Variants in EPB41L3 observed in about 807,000 individuals in gnomAD.
EPB41L3 encodes the protein erythrocyte membrane protein band 4.1 like 3.
In EPB41L3, 57 loss-of-function variants were observed where a neutral mutation model predicts 127.1. That is an observed-to-expected ratio of 0.45 (90% CI 0.36 to 0.56). EPB41L3 has a LOEUF of 0.56. Among genes scored for constraint, EPB41L3 ranks in the 20% least tolerant of loss-of-function variants. EPB41L3 has a pLI of 0.00. For synonymous variants in EPB41L3, 572 were observed against 549.5 expected (o/e 1.04, Z -0.57); for missense variants, 1,273 against 1,372.2 (o/e 0.93, Z 1.14).
At chr18:5,569,308 T>C (rs1195081091) in intron 3 of EPB41L3, among the ~76,000 whole-genome samples, 1 of 152,246 alleles carries the variant, frequency 6.6e-6, no homozygotes, top group East Asian at 1.9e-4. Flanking sequence ...CAATGCTTAA[T>C]ACCAATCACT....
intron 16 of EPB41L3, among the ~76,000 whole-genome samples, chr18:5,402,381 C>T (rs2074648786): frequency 6.6e-6 from 1 of 151,648 alleles, no homozygotes; most frequent in South Asian, 2.1e-4. Flanking sequence ...AATAACAGTG[C>T]TAGGTCTCTA....
intron 3 of EPB41L3, among the ~76,000 whole-genome samples, chr18:5,477,286 CAT>C (rs2087434621): frequency 6.6e-6 from 1 of 152,178 alleles, no homozygotes; most frequent in Non-Finnish European, 1.5e-5. Flanking sequence ...TGAGGACACA[CAT>C]GTGTGCACTG....
At chr18:5,497,450 C>T (rs2091282584) in intron 1 of EPB41L3, among the ~76,000 whole-genome samples, 1 of 152,164 alleles carries the variant, frequency 6.6e-6, no homozygotes, top group Non-Finnish European at 1.5e-5. Context: ...CCATCAGAAG[C>T]TCTCACTGCA....
chr18:5,583,454 A>G (rs1020541137), intron 3 of EPB41L3, among the ~76,000 whole-genome samples: 3 of 152,206 alleles, frequency 2.0e-5, no homozygotes, highest in Admixed American at 6.5e-5. Flanking sequence ...AGAGTAGCAC[A>G]ATTCAAAATC....
intron 1 of EPB41L3, among the ~76,000 whole-genome samples, chr18:5,491,985 A>G (rs952832074): frequency 6.6e-6 from 1 of 152,138 alleles, no homozygotes; most frequent in African/African-American, 2.4e-5. Context: ...TAAGCAAGCA[A>G]TAACCTGATT....
chr18:5,418,804 G>A lies in EPB41L3; in HGVS notation c.1506+907C>T, dbSNP rs115934635. 5.7e-3 allele frequency among the ~76,000 whole-genome samples: 875 copies of A among 152,234 alleles called. 16 individuals carry two copies. Among genetic ancestry groups the A allele is most frequent in the African/African-American group, 0.019 (809 of 41,536 alleles). On this transcript the variant is annotated intron_variant, in intron 12 of 22. Coordinates refer to ENST00000341928, the MANE Select transcript of EPB41L3 (RefSeq NM_012307.5). ...AAAAGGAACACTTTCCATAGAATTC[G>A]GGGTAGTGATTCTCCATCTCTATTT...
Position 5,433,987 on chromosome 18 carries a change from C to T in EPB41L3, c.740G>A (p.Ser247Asn). Residue 247 changes from serine (S) to asparagine (N), a missense_variant, in exon 7 of 23, where the codon AGC (serine) becomes AAC (asparagine). By Grantham distance (46) the Ser-to-Asn change is conservative. This residue lies in a region of EPB41L3 where 326 missense variants were observed against 440.2 expected (regional missense o/e 0.74). Coordinates refer to ENST00000341928, the MANE Select transcript of EPB41L3 (RefSeq NM_012307.5). ...LGDYDPDECG[S>N]DYISEFRFAP... ...AAAGCGGAACTCACTAATGTAATCG[C>T]TCCCACATTCATCTGGGTCATAGTC... The T allele has an allele frequency of 6.2e-7, 1 of 1,614,204 alleles. No individual in the cohort carries two copies. Among genetic ancestry groups the T allele is most frequent in the Admixed American group, 1.7e-5 (1 of 60,030 alleles).
chr18:5,549,211 TG>T (rs2093929371), upstream of EPB41L3, among the ~76,000 whole-genome samples: 1 of 152,238 alleles, frequency 6.6e-6, no homozygotes, highest in Admixed American at 6.5e-5. Context: ...ATTTAATTCC[TG>T]TTTTCCAGCA....
Position 5,438,059 on chromosome 18 carries a change from G to T in EPB41L3, c.581C>A (p.Ala194Asp), listed in dbSNP as rs752757777. ...FNVKFYPPDP[A>D]QLSEDITRYY... ...CCTGGTGATATCTTCAGATAGTTGG[G>T]CAGGGTCTGGTGGATAAAATTTCAC... Residue 194 changes from alanine (A) to aspartate (D), a missense_variant, in exon 6 of 23, where the codon GCC becomes GAC. Transcript: ENST00000341928. 6.2e-7 allele frequency: 1 copy of T among 1,613,782 alleles called. No homozygotes were observed. Among genetic ancestry groups the T allele is most frequent in the Admixed American group, 1.7e-5 (1 of 60,004 alleles).
At chr18:5,427,307 G>T (rs1297073170) in intron 9 of EPB41L3, among the ~76,000 whole-genome samples, 1 of 152,062 alleles carries the variant, frequency 6.6e-6, no homozygotes, top group Non-Finnish European at 1.5e-5. Context: ...AGCTTTGACT[G>T]CCTCTGTTAT....
intron 1 of EPB41L3, among the ~76,000 whole-genome samples, chr18:5,498,258 G>C (rs533360116): frequency 4.6e-5 from 7 of 152,314 alleles, no homozygotes; most frequent in African/African-American, 1.7e-4. Flanking sequence ...CTTCCTGATA[G>C]CTGTGCTTAT....
Position 5,625,603 on chromosome 18 carries a change from T to C in EPB41L3, c.-468+3319A>G, listed in dbSNP as rs193185243. Among the ~76,000 whole-genome samples, 49 of 152,344 alleles carry C rather than the reference T, an allele frequency of 3.2e-4. 1 individual carries two copies. Among genetic ancestry groups the C allele is most frequent in the Admixed American group, 2.7e-3 (42 of 15,306 alleles). On this transcript the variant is annotated intron_variant, in intron 1 of 21. Coordinates refer to the EPB41L3 transcript ENST00000545076. ...AGTTTCAAATGTGAGACTAGATTTCTAATGAAGGCTAAGAGTTAAAATAAA... is the reference window on the plus strand; with the variant it reads ...AGTTTCAAATGTGAGACTAGATTTCCAATGAAGGCTAAGAGTTAAAATAAA...
intron 5 of EPB41L3, among the ~76,000 whole-genome samples, chr18:5,440,551 A>C (rs2080538983): frequency 6.6e-6 from 1 of 152,210 alleles, no homozygotes; most frequent in Non-Finnish European, 1.5e-5. Context: ...GAAATGAAAC[A>C]GCTTGAACAC....
At chr18:5,449,244 ACAT>A (rs2081954094) in intron 3 of EPB41L3, among the ~76,000 whole-genome samples, 2 of 151,682 alleles carry the variant, frequency 1.3e-5, no homozygotes, top group South Asian at 2.1e-4. Flanking sequence ...TCCAAATCAA[ACAT>A]CATTAGAGAA....
chr18:5,397,053 G>C lies in EPB41L3; in HGVS notation c.2841+5C>G. On this transcript the variant is annotated splice_donor_5th_base_variant and intron_variant, in intron 18 of 22. Transcript: ENST00000341928. This position sits in a 1 kb window ranked among gnomAD's most constrained non-coding sequence, Gnocchi z 4.1. ...GTGATAAAAGTAACATTTACTACTA[G>C]TTACCTCAAAATGAGGTTTTTGTTC... The C allele has an allele frequency of 6.3e-7, 1 of 1,585,784 alleles. No homozygotes were observed. Among genetic ancestry groups the C allele is most frequent in the South Asian group, 1.2e-5 (1 of 86,034 alleles).
intron 3 of EPB41L3, among the ~76,000 whole-genome samples, chr18:5,446,056 T>C (rs774090166): frequency 6.6e-6 from 1 of 152,190 alleles, no homozygotes; most frequent in Non-Finnish European, 1.5e-5. Context: ...CTCCTTGTCT[T>C]AGGCAGACTC....
chr18:5,397,484 A>G lies in EPB41L3; in HGVS notation c.2473-58T>C. The G allele has an allele frequency of 6.6e-7, 1 of 1,524,996 alleles. No individual in the cohort carries two copies. The highest frequency in any genetic ancestry group is 8.8e-7 in the Non-Finnish European group (1 of 1,139,058). 94.5% of individuals were successfully genotyped at this position (1,524,996 alleles called of 1,614,324 possible). A position where few individuals can be genotyped will look rare whatever the true frequency, so the allele number is the denominator to read the frequency against. ...CCATCCATAAACCAAAGGTCAGAAA[A>G]TAACTAAAGCTGCCACTCGCCAGGA... is the stretch of plus-strand genomic sequence containing the variant. On this transcript the variant is annotated intron_variant, in intron 17 of 22. Transcript: ENST00000341928. The surrounding 1 kb of genome is among the most constrained non-coding windows in gnomAD (Gnocchi z 4.1).
At chr18:5,417,552 G>T (rs200654819) in intron 12 of EPB41L3, among the ~76,000 whole-genome samples, 1 of 151,084 alleles carries the variant, frequency 6.6e-6, no homozygotes, top group Non-Finnish European at 1.5e-5. Context: ...GTGTGTGTAT[G>T]TGTGTGTTTT....
upstream of EPB41L3, among the ~76,000 whole-genome samples, chr18:5,549,130 G>A (rs1029115950): frequency 6.6e-6 from 1 of 152,144 alleles, no homozygotes. Flanking sequence ...AATGTGTGAT[G>A]GTTAACTTTA....
Sources: allele counts gnomAD v4.1 joint callset (sites outside exome capture counted in the v4.1 genomes callset), GRCh38; gene constraint gnomAD v4.1.1; regional missense constraint gnomAD v4.1.1; non-coding constraint Gnocchi (gnomAD v3.1); transcripts MANE v1.5; gene names NCBI Gene and HGNC (gene_info 2026-07-23, HGNC 2026-07-21).